NCKAP5L: variants seen among roughly 807,000 people sequenced by gnomAD.
NCKAP5L encodes NCK associated protein 5 like, also known as nck-associated protein 5-like.
Under a neutral mutation model 103.2 loss-of-function variants are expected in NCKAP5L, and 54 were observed. That is an observed-to-expected ratio of 0.52 (90% CI 0.42 to 0.66). NCKAP5L has a LOEUF of 0.66. Ranked by LOEUF, NCKAP5L falls within the 30% of genes least tolerant of loss-of-function variation. The pLI is 0.00. For synonymous variants in NCKAP5L, 762 were observed against 748.6 expected (o/e 1.02, Z -0.29); for missense variants, 1,733 against 1,750.6 (o/e 0.99, Z 0.18).
chr12:49,793,800 C>A lies in NCKAP5L; in HGVS notation c.3192G>T (p.Trp1064Cys). Residue 1064 changes from tryptophan (W) to cysteine (C), a missense_variant, in exon 9 of 13, where the codon TGG becomes TGT. Transcript: ENST00000335999. ...GGCCATTCCGGGGCCCACAGGCTGGCCAGGGGCTCTTGGGGTCAGAAGACA... is the reference window on the plus strand; with the variant it reads ...GGCCATTCCGGGGCCCACAGGCTGGACAGGGGCTCTTGGGGTCAGAAGACA... ...QPVSSDPKSP[W>C]PACGPRNGLV... is the part of the protein sequence containing the mutation. 1 of 1,604,140 alleles carries A rather than the reference C, an allele frequency of 6.2e-7. No homozygotes were observed. The highest frequency in any genetic ancestry group is 8.5e-7 in the Non-Finnish European group (1 of 1,175,226).
At chr12:49,800,183 G>A (rs1282030477) in intron 6 of NCKAP5L, among the ~76,000 whole-genome samples, 1 of 152,218 alleles carries the variant, frequency 6.6e-6, no homozygotes, top group Non-Finnish European at 1.5e-5. Context: ...CAACAAGAGT[G>A]AAACTCCATC....
rs377515724 is a variant in NCKAP5L, at chr12:49,797,165, G to A, written c.695C>T (p.Pro232Leu). The change falls in exon 8 of 13, where the codon CCG (proline) becomes CTG (leucine). Residue 232 changes from proline (P) to leucine (L), a missense_variant. Transcript: ENST00000335999. The surrounding 1 kb of genome is among the most constrained non-coding windows in gnomAD (Gnocchi z 4.5). ...PEPINGELCGPPQPEPSPWAP... is the reference protein window; with the variant it reads ...PEPINGELCGLPQPEPSPWAP... ...CCAGGGTGAGGGTTCAGGCTGAGGCGGGCCACACAGCTCGCCGTTGATGGG... is the reference window on the plus strand; with the variant it reads ...CCAGGGTGAGGGTTCAGGCTGAGGCAGGCCACACAGCTCGCCGTTGATGGG... The A allele has an allele frequency of 1.2e-5, 20 of 1,610,846 alleles. No individual in the cohort carries two copies. Among genetic ancestry groups the A allele is most frequent in the East Asian group, 1.1e-4 (5 of 44,834 alleles).
intron 6 of NCKAP5L, 57 bp downstream of exon 6, chr12:49,801,791 T>C: frequency 6.2e-7 from 1 of 1,602,870 alleles, no homozygotes; most frequent in Non-Finnish European, 8.5e-7. Context: ...ATGGGGCCGA[T>C]GGAGCCGAGG....
At chr12:49,802,146 A>G in intron 5 of NCKAP5L, 179 bp from the exon 6 acceptor site, 1 of 638,122 alleles carries the variant, frequency 1.6e-6, no homozygotes, top group Non-Finnish European at 2.6e-6. Context: ...TAGCTATAGC[A>G]TCTTCTAGGG....
In NCKAP5L at chr12:49,795,388, G is replaced by C. The variant is rs748526708; in HGVS notation, c.2472C>G (p.Thr824=). The change falls in exon 8 of 13, where the codon ACC becomes ACG. Residue 824 remains threonine, a synonymous_variant. Transcript: ENST00000335999. ...GAGCCCCAGGTCGAGGCACCACCTT[G>C]GTTGGTGACTTGGAAGGGAGCTTGG... ...SPTKLPSKSP[T]KVVPRPGAPL... The C allele has an allele frequency of 6.4e-7, 1 of 1,572,044 alleles. No individual in the cohort carries two copies. The highest frequency in any genetic ancestry group is 8.6e-7 in the Non-Finnish European group (1 of 1,163,434).
chr12:49,793,313 G>C, intron 10 of NCKAP5L, 39 bp downstream of exon 10: 2 of 1,569,818 alleles, frequency 1.3e-6, no homozygotes, highest in Non-Finnish European at 1.7e-6. Flanking sequence ...GGGTAGGGGG[G>C]TGGGGGCAGG....
In NCKAP5L at chr12:49,803,910, C is replaced by T. The variant is rs1946150290; in HGVS notation, c.123+12G>A. 6.2e-7 allele frequency: 1 copy of T among 1,603,910 alleles called. No individual in the cohort carries two copies. Among genetic ancestry groups the T allele is most frequent in the African/African-American group, 1.3e-5 (1 of 74,904 alleles). ...GCTGGCACTGCTGCCCCTACCACGC[C>T]CCATGCCGCACCTCCAGCTCCCGCA... On this transcript the variant is annotated intron_variant, in intron 3 of 12. Transcript: ENST00000335999.
chr12:49,801,780 G>A, intron 6 of NCKAP5L, 68 bp downstream of exon 6: 1 of 1,590,540 alleles, frequency 6.3e-7, no homozygotes, highest in South Asian at 1.1e-5. Flanking sequence ...AGAAGACAGT[G>A]ATGGGGCCGA....
chr12:49,794,934 C>A lies in NCKAP5L; in HGVS notation c.2926G>T (p.Glu976Ter). Residue 976 changes from glutamate (E) to a stop codon, truncating the protein, a stop_gained, in exon 8 of 13, where the codon GAA becomes TAA. Transcript: ENST00000335999. LOFTEE classifies it high-confidence loss of function. The stretch of plus-strand genomic sequence containing the variant: ...TCTTCCAGTGCCCGACGCAGGTCTT[C>A]CGCCTTGGCCATCAGCTTGGAGATG... ...LNISKLMAKA[E>*]DLRRALEEEK... The A allele has an allele frequency of 6.4e-7, 1 of 1,566,552 alleles. No homozygotes were observed. Among genetic ancestry groups the A allele is most frequent in the Non-Finnish European group, 8.6e-7 (1 of 1,157,080 alleles).
intron 1 of NCKAP5L, among the ~76,000 whole-genome samples, chr12:49,808,401 G>A (rs930306485): frequency 2.6e-5 from 4 of 152,334 alleles, no homozygotes; most frequent in East Asian, 1.9e-4. Flanking sequence ...CTGCAGGGCC[G>A]TCACAGTGGA....
Position 49,801,977 on chromosome 12 carries a change from A to C in NCKAP5L, c.232-10T>G. On this transcript the variant is annotated splice_polypyrimidine_tract_variant and intron_variant, in intron 5 of 12. Coordinates refer to ENST00000335999, the MANE Select transcript of NCKAP5L (RefSeq NM_001037806.4). ...ACTCCTCTCGCAGGTCCTGCCGCCCACCCCGGGAAGTGCAGGAAGAAGAGG... is the reference window on the plus strand; with the variant it reads ...ACTCCTCTCGCAGGTCCTGCCGCCCCCCCCGGGAAGTGCAGGAAGAAGAGG... 6.2e-7 allele frequency: 1 copy of C among 1,613,090 alleles called. No homozygotes were observed. The highest frequency in any genetic ancestry group is 1.1e-5 in the South Asian group (1 of 91,054).
rs778070785 is a variant in NCKAP5L, at chr12:49,792,786, G to C, written c.3541C>G (p.Pro1181Ala). Residue 1181 changes from proline to alanine, a missense_variant, in exon 11 of 13, where the codon CCA becomes GCA. By Grantham distance (27) the Pro-to-Ala change is conservative. Transcript: ENST00000335999. The surrounding 1 kb of genome is among the most constrained non-coding windows in gnomAD (Gnocchi z 4.5). The part of the protein sequence containing the change: ...RRAHTLEREV[P>A]GIEELLVSGR... The stretch of plus-strand genomic sequence containing the variant: ...CTCACCAGCAGCTCCTCTATGCCTG[G>C]CACCTCCCGCTCCAGTGTGTGGGCG... 1.9e-6 allele frequency: 3 copies of C among 1,605,654 alleles called. No individual in the cohort carries two copies. The highest frequency in any genetic ancestry group is 2.5e-6 in the Non-Finnish European group (3 of 1,177,762).
At chr12:49,809,693 G>T (rs934061896) in intron 1 of NCKAP5L, among the ~76,000 whole-genome samples, 3 of 152,140 alleles carry the variant, frequency 2.0e-5, no homozygotes, top group African/African-American at 4.8e-5. Context: ...GCCAAGATCA[G>T]CCCTGGGCTG....
At chr12:49,806,302 T>C (rs1946179382) in intron 1 of NCKAP5L, among the ~76,000 whole-genome samples, 1 of 152,062 alleles carries the variant, frequency 6.6e-6, no homozygotes, top group African/African-American at 2.4e-5. Context: ...AGTGCAAAGG[T>C]CCCCATCTCT....
At chr12:49,811,493 C>A (rs1012313531) in intron 1 of NCKAP5L, among the ~76,000 whole-genome samples, 10 of 152,058 alleles carry the variant, frequency 6.6e-5, no homozygotes, top group African/African-American at 2.2e-4. Context: ...AGATGAGTTG[C>A]CTGCTCCCGG....
intron 1 of NCKAP5L, among the ~76,000 whole-genome samples, chr12:49,809,444 C>A (rs1198894535): frequency 6.6e-6 from 1 of 152,132 alleles, no homozygotes; most frequent in Admixed American, 6.5e-5. Context: ...CTGTTCCCCC[C>A]AGAGTCCTCT....
Position 49,806,966 on chromosome 12 carries a change from T to C in NCKAP5L, c.-98-925A>G, listed in dbSNP as rs554749793. On this transcript the variant is annotated intron_variant, in intron 1 of 12. Transcript: ENST00000335999. ...CTGACAGAGGCACAGTACAAAGCTA[T>C]GGGGTTGTTGTGGAGCCTGCTGCTA... Among the ~76,000 whole-genome samples the C allele has an allele frequency of 4.6e-5, 7 of 152,316 alleles. No individual in the cohort carries two copies. In the East Asian group the frequency reaches 1.3e-3, roughly 29 times the overall value.
At position 49,813,198 on chromosome 12, in the gene NCKAP5L, A is replaced by C. The variant is rs1436179085; in HGVS notation, c.-98-7157T>G. Among the ~76,000 whole-genome samples, 6 of 152,282 alleles carry C rather than the reference A, an allele frequency of 3.9e-5. No homozygotes were observed. In the East Asian group the frequency reaches 1.2e-3, roughly 29 times the overall value. On this transcript the variant is annotated intron_variant, in intron 1 of 12. Coordinates refer to ENST00000335999, the MANE Select transcript of NCKAP5L (RefSeq NM_001037806.4). ...AATTGCTGGGTTATATAATAATTGC[A>C]GGTTTAATCATTTGAGGAACTGTCA...
chr12:49,804,103 A>G (rs1946153616), intron 2 of NCKAP5L, 23 bp from the exon 3 acceptor site: 1 of 1,593,754 alleles, frequency 6.3e-7, no homozygotes, highest in Non-Finnish European at 8.5e-7. Flanking sequence ...ATGAGGAGGA[A>G]GTGAGAAGGA....
Sources: allele counts gnomAD v4.1 joint callset (sites outside exome capture counted in the v4.1 genomes callset), GRCh38; gene constraint gnomAD v4.1.1; non-coding constraint Gnocchi (gnomAD v3.1); transcripts MANE v1.5; gene names NCBI Gene and HGNC (gene_info 2026-07-23, HGNC 2026-07-21).